Variants in PLEKHG2 observed in about 807,000 individuals in gnomAD.
The protein encoded by PLEKHG2 is pleckstrin homology and RhoGEF domain containing G2.
PLEKHG2 carries 71 observed loss-of-function variants against 104.4 expected under a neutral mutation model. That is an observed-to-expected ratio of 0.68 (90% CI 0.56 to 0.83). PLEKHG2 has a LOEUF of 0.83. Among genes scored for constraint, PLEKHG2 ranks in the 40% least tolerant of loss-of-function variants. The pLI, the probability that PLEKHG2 is intolerant of heterozygous loss-of-function variation, is 0.00. For missense variants in PLEKHG2, 1,730 were observed against 1,809.4 expected, an observed-to-expected ratio of 0.96 and a Z score of 0.80; for synonymous variants, 728 against 737.0, an observed-to-expected ratio of 0.99 and a Z score of 0.20.
rs756204506 is a variant in PLEKHG2, at chr19:39,424,209, A to T, written c.3076A>T (p.Ile1026Phe). 6.2e-7 allele frequency: 1 copy of T among 1,613,724 alleles called. No individual in the cohort carries two copies. The highest frequency in any genetic ancestry group is 2.2e-5 in the East Asian group (1 of 44,852). The change falls in exon 19 of 19, where the codon ATT becomes TTT. Residue 1026 changes from isoleucine (I) to phenylalanine (F), a missense_variant. Ile to Phe is a conservative substitution (Grantham distance 21). Transcript: ENST00000425673. ...CACCACTCCAGCTTTGCCCAAGGAG[A>T]TTTGTTCTGATTTCACAGTTTCAGT... is the stretch of plus-strand genomic sequence containing the variant. The part of the protein sequence containing the change: ...VPTTPALPKE[I>F]CSDFTVSVTT...
In PLEKHG2 at chr19:39,424,533, G is replaced by A. The variant is rs754147387; in HGVS notation, c.3400G>A (p.Glu1134Lys). Residue 1134 changes from glutamate (E) to lysine (K), a missense_variant, in exon 19 of 19, where the codon GAG (glutamate) becomes AAG (lysine). Transcript: ENST00000425673. ...CAACGCCCCACTGTCTTTGTCCCAGGAGCTCCCAGACACTCAGGTTCCAGC... is the reference window on the plus strand; with the variant it reads ...CAACGCCCCACTGTCTTTGTCCCAGAAGCTCCCAGACACTCAGGTTCCAGC... ...PANAPLSLSQ[E>K]LPDTQVPATT... 4 of 1,613,990 alleles carry A rather than the reference G, an allele frequency of 2.5e-6. No individual in the cohort carries two copies. In the South Asian group the frequency reaches 4.4e-5, roughly 18 times the overall value.
intron 7 of PLEKHG2, 72 bp from the exon 8 acceptor site, chr19:39,417,483 C>T (rs535113841): frequency 5.4e-5 from 84 of 1,559,820 alleles, no homozygotes; most frequent in Non-Finnish European, 7.0e-5. Flanking sequence ...TCTCCATCTC[C>T]TGTTATTCTC....
rs1034530000 is a variant in PLEKHG2 at position 39,415,649 on chromosome 19, C to G, written c.479+210C>G. Among the ~76,000 whole-genome samples the G allele has an allele frequency of 6.7e-6, 1 of 148,278 alleles. No individual in the cohort carries two copies. Among genetic ancestry groups the G allele is most frequent in the African/African-American group, 2.5e-5 (1 of 40,050 alleles). On this transcript the variant is annotated intron_variant, in intron 4 of 18. Coordinates refer to ENST00000425673, the MANE Select transcript of PLEKHG2 (RefSeq NM_022835.3). This position sits in a 1 kb window ranked among gnomAD's most constrained non-coding sequence, Gnocchi z 4.6. ...GACCCCGAGTGAGGGAGGGGCATAG[C>G]GGATGGGAGGACCCCGAGTGAGGGA...
Position 39,424,337 on chromosome 19 carries a change from C to A in PLEKHG2, c.3204C>A (p.Asp1068Glu), listed in dbSNP as rs1420350946. 3 of 1,614,176 alleles carry A rather than the reference C, an allele frequency of 1.9e-6. No individual in the cohort carries two copies. The highest frequency in any genetic ancestry group is 1.7e-5 in the Admixed American group (1 of 60,016). ...QGGSRDVQGP[D>E]PVCSQPIQPL... ...GTTCCAGGGATGTTCAGGGCCCAGA[C>A]CCTGTCTGCAGTCAACCCATCCAGC... The change falls in exon 19 of 19, where the codon GAC (aspartate) becomes GAA (glutamate). Residue 1068 changes from aspartate to glutamate, a missense_variant. Transcript: ENST00000425673.
Position 39,423,654 on chromosome 19 carries a change from G to T in PLEKHG2, c.2599+1G>T. 1 of 1,544,784 alleles carries T rather than the reference G, an allele frequency of 6.5e-7. No homozygotes were observed. The highest frequency in any genetic ancestry group is 8.7e-7 in the Non-Finnish European group (1 of 1,145,704). On this transcript the variant is annotated splice_donor_variant, in intron 18 of 18. Transcript: ENST00000425673. LOFTEE classifies it high-confidence loss of function. ...CTGCCCCAGGAGCAGGCAGAGCCAGGTGAGGTCCGGGTACGTGGTTGGCAG... is the reference window on the plus strand; with the variant it reads ...CTGCCCCAGGAGCAGGCAGAGCCAGTTGAGGTCCGGGTACGTGGTTGGCAG...
intron 9 of PLEKHG2, 143 bp from the exon 10 acceptor site, chr19:39,418,591 G>C (rs1302704938): frequency 4.9e-6 from 3 of 608,288 alleles, no homozygotes; most frequent in Non-Finnish European, 8.5e-6. Flanking sequence ...AAAAAAAAAA[G>C]GGAGAGGAAA....
Position 39,420,671 on chromosome 19 carries a change from C to A in PLEKHG2, c.1297+12C>A. ...AAACAGCCTGCATTGTGAGTTGGGGCCTTGGGCTGGGAGGGTGTGGAAGTA... is the reference window on the plus strand; with the variant it reads ...AAACAGCCTGCATTGTGAGTTGGGGACTTGGGCTGGGAGGGTGTGGAAGTA... On this transcript the variant is annotated intron_variant, in intron 12 of 18. Coordinates refer to ENST00000425673, the MANE Select transcript of PLEKHG2 (RefSeq NM_022835.3). 1.2e-6 allele frequency: 2 copies of A among 1,614,114 alleles called. No individual in the cohort carries two copies. Among genetic ancestry groups the A allele is most frequent in the Non-Finnish European group, 1.7e-6 (2 of 1,180,006 alleles).
chr19:39,421,824 C>G, intron 16 of PLEKHG2: 1 of 256,110 alleles, frequency 3.9e-6, no homozygotes, highest in African/African-American at 2.2e-5. Context: ...TGAGACCAGG[C>G]TGGCCAACAA....
chr19:39,418,735 G>A lies in PLEKHG2; in HGVS notation c.1085G>A (p.Cys362Tyr). ...TGCTACCCCTCTCTTTCCTTCCAGTGCTGCAACCTGAGCGTGAGCGAGAGT... is the reference window on the plus strand; with the variant it reads ...TGCTACCCCTCTCTTTCCTTCCAGTACTGCAACCTGAGCGTGAGCGAGAGT... ...LEYTYKGHIF[C>Y]CNLSVSESPR... The change falls in exon 10 of 19, where the codon TGC (cysteine) becomes TAC (tyrosine). Residue 362 changes from cysteine (C) to tyrosine (Y), a missense_variant and splice_region_variant. Physicochemically the swap from Cys to Tyr is radical, Grantham distance 194. Coordinates refer to ENST00000425673, the MANE Select transcript of PLEKHG2 (RefSeq NM_022835.3). The A allele has an allele frequency of 6.2e-7, 1 of 1,611,874 alleles. No individual in the cohort carries two copies.
chr19:39,422,020 A>T, intron 16 of PLEKHG2, 95 bp from the exon 17 acceptor site: 1 of 1,342,060 alleles, frequency 7.5e-7, no homozygotes, highest in South Asian at 1.6e-5. Context: ...CCATCTCAAA[A>T]CAAACAAACG....
chr19:39,417,103 C>A (rs1275103511), intron 7 of PLEKHG2, 103 bp downstream of exon 7: 7 of 1,348,174 alleles, frequency 5.2e-6, no homozygotes, highest in Non-Finnish European at 6.9e-6. Context: ...TTGGGCAAGG[C>A]CTCCCAAAGT....
In PLEKHG2 at chr19:39,423,828, G is replaced by A; in HGVS notation, c.2695G>A (p.Val899Ile). The change falls in exon 19 of 19, where the codon GTT (valine) becomes ATT (isoleucine). Residue 899 changes from valine (V) to isoleucine (I), a missense_variant. Transcript: ENST00000425673. ...TGTCCCCCTGGGTCCTGCTGTCTGG[G>A]TTCAAGCTGCCATACCTTTGTCAAA... ...ESVPLGPAVW[V>I]QAAIPLSKQG... The A allele has an allele frequency of 1.2e-6, 2 of 1,614,186 alleles. No homozygotes were observed. The highest frequency in any genetic ancestry group is 1.7e-6 in the Non-Finnish European group (2 of 1,180,036).
chr19:39,414,763 C>T (rs907545012), intron 2 of PLEKHG2, among the ~76,000 whole-genome samples: 2 of 152,146 alleles, frequency 1.3e-5, no homozygotes, highest in African/African-American at 4.8e-5. Context: ...AAATGTCTAC[C>T]TAGCTGATTC....
Position 39,416,694 on chromosome 19 carries a change from C to G in PLEKHG2, c.593+97C>G. On this transcript the variant is annotated intron_variant, in intron 6 of 18. Coordinates refer to ENST00000425673, the MANE Select transcript of PLEKHG2 (RefSeq NM_022835.3). This position sits in a 1 kb window ranked among gnomAD's most constrained non-coding sequence, Gnocchi z 4.5. ...CCCTCTACCCCCGACCCATCCAGCA[C>G]CGACCCCTGCCAGGCTGTGACAGTA... 6.6e-7 allele frequency: 1 copy of G among 1,516,962 alleles called. No homozygotes were observed. Among genetic ancestry groups the G allele is most frequent in the Non-Finnish European group, 9.1e-7 (1 of 1,101,082 alleles). 94.0% of individuals were successfully genotyped at this position (1,516,962 alleles called of 1,614,324 possible).
In PLEKHG2 at chr19:39,425,047, G is replaced by A. The variant is rs201065323; in HGVS notation, c.3914G>A (p.Arg1305Gln). The change falls in exon 19 of 19, where the codon CGG becomes CAG. Residue 1305 changes from arginine (R) to glutamine (Q), a missense_variant. Transcript: ENST00000425673. The part of the protein sequence containing the change: ...GPGGGAPAAS[R>Q]GSWSSAPTSR... ...GGGGGAGGGGCCCCCGCAGCCTCCC[G>A]GGGCTCCTGGTCCTCTGCTCCCACG... 9.9e-5 allele frequency: 159 copies of A among 1,598,104 alleles called. No individual in the cohort carries two copies. Among genetic ancestry groups the A allele is most frequent in the Admixed American group, 2.1e-4 (12 of 57,318 alleles).
In PLEKHG2 at chr19:39,423,478, G is replaced by A. The variant is rs750913459; in HGVS notation, c.2424G>A (p.Pro808=). Residue 808 remains proline, a synonymous_variant, in exon 18 of 19, where the codon CCG becomes CCA. Coordinates refer to ENST00000425673, the MANE Select transcript of PLEKHG2 (RefSeq NM_022835.3). ...GDSGSGKAGA[P]SSERTASRVR... is the part of the protein sequence containing the mutation. ...GCGGGAGCGGGAAGGCAGGAGCCCC[G>A]AGTTCAGAAAGGACGGCGTCCCGAG... 31 of 1,598,960 alleles carry A rather than the reference G, an allele frequency of 1.9e-5. No individual in the cohort carries two copies. The highest frequency in any genetic ancestry group is 2.5e-5 in the Non-Finnish European group (29 of 1,170,848).
Position 39,418,828 on chromosome 19 carries a change from T to A in PLEKHG2, c.1176+2T>A. 1 of 1,606,878 alleles carries A rather than the reference T, an allele frequency of 6.2e-7. No homozygotes were observed. The highest frequency in any genetic ancestry group is 8.5e-7 in the Non-Finnish European group (1 of 1,174,352). On this transcript the variant is annotated splice_donor_variant, in intron 10 of 18. Coordinates refer to ENST00000425673, the MANE Select transcript of PLEKHG2 (RefSeq NM_022835.3). LOFTEE classifies it high-confidence loss of function. Reference sequence around the variant, plus strand: ...CCCAAGCACAGACACCTGCTCCAGGTGAGCATGTAGTGGGATCAGGCTGGC... The same window carrying A: ...CCCAAGCACAGACACCTGCTCCAGGAGAGCATGTAGTGGGATCAGGCTGGC...
Position 39,426,851 on chromosome 19 carries a change from T to A in PLEKHG2, c.*1557T>A, listed in dbSNP as rs2078787296. The A allele has an allele frequency of 6.6e-6, 1 of 151,514 alleles. No homozygotes were observed. Among genetic ancestry groups the A allele is most frequent in the Non-Finnish European group, 1.5e-5 (1 of 67,890 alleles). 9.4% of individuals were successfully genotyped at this position (151,514 alleles called of 1,614,324 possible). On this transcript the variant is annotated 3_prime_UTR_variant, in exon 19 of 19. Transcript: ENST00000425673. ...GGAGGAGCTTGGGAATCTGATTTTT[T>A]TTTTTTTTTTTAGATAAAGTCTCAC...
rs762053208 is a variant in PLEKHG2 at position 39,424,898 on chromosome 19, C to T, written c.3765C>T (p.Asp1255=). The T allele has an allele frequency of 4.3e-6, 7 of 1,614,116 alleles. No individual in the cohort carries two copies. Among genetic ancestry groups the T allele is most frequent in the Non-Finnish European group, 4.2e-6 (5 of 1,180,054 alleles). Residue 1255 remains aspartate (D), a synonymous_variant, in exon 19 of 19, where the codon GAC becomes GAT. Transcript: ENST00000425673. ...ACGTTGCCAGGTTGGAGTCTTCAGA[C>T]TTGACGCCACCTCATAGTCCCCCAC... is the stretch of plus-strand genomic sequence containing the variant. ...ASHVARLESS[D]LTPPHSPPPS...
Sources: gnomAD v4.1 joint callset for allele counts (sites outside exome capture counted in the v4.1 genomes callset) on GRCh38, gnomAD v4.1.1 for gene constraint, Gnocchi (gnomAD v3.1) non-coding constraint, MANE v1.5 for transcripts, NCBI Gene and HGNC (gene_info 2026-07-23, HGNC 2026-07-21) for gene names.